The following RBFOX1 variants were observed in gnomAD, a reference collection of about 807,000 sequenced individuals.
RBFOX1 encodes RNA binding protein fox-1 homolog 1.
In RBFOX1, 8 loss-of-function variants were observed where a neutral mutation model predicts 57.7. That is an observed-to-expected ratio of 0.14 (90% CI 0.08 to 0.25). RBFOX1 has a LOEUF of 0.25. RBFOX1 is among the 10% of genes least tolerant of loss of function. The probability of loss-of-function intolerance (pLI) is 1.00; values close to 1 mark genes in which losing one functional copy is unlikely to be tolerated. For missense variants in RBFOX1, 611 were observed against 548.5 expected (o/e 1.11, Z -1.14); for synonymous variants, 326 against 222.4 (o/e 1.47, Z -4.15).
intron 4 of RBFOX1, among the ~76,000 whole-genome samples, chr16:7,377,901 G>T (rs568740958): frequency 6.6e-6 from 1 of 152,268 alleles, no homozygotes; most frequent in East Asian, 1.9e-4. Context: ...CCCATAGTTT[G>T]GAGACTCAGA....
chr16:7,189,554 A>ACACACACACACACACACACACAC (rs1567633599), intron 4 of RBFOX1, among the ~76,000 whole-genome samples: 1 of 135,874 alleles, frequency 7.4e-6, no homozygotes, highest in Non-Finnish European at 1.6e-5. Context: ...TGTCCCCCAA[A>ACACACACACACACACACACACAC]ACACACACAC....
At position 7,280,011 on chromosome 16, in the gene RBFOX1, C is replaced by T. The variant is rs569244258; in HGVS notation, c.27+227913C>T. On this transcript the variant is annotated intron_variant, in intron 4 of 15. Coordinates refer to ENST00000550418, the MANE Select transcript of RBFOX1 (RefSeq NM_018723.4). ...GCATTTGCTGACTCCATGGCCAGCG[C>T]CACATCACCTGCTCTGAAGGTGTTT... Among the ~76,000 whole-genome samples the T allele has an allele frequency of 4.6e-5, 7 of 152,308 alleles. No homozygotes were observed. In the East Asian group the frequency reaches 1.3e-3, roughly 29 times the overall value.
chr16:6,058,888 C>G (rs926426795), intron 1 of RBFOX1, among the ~76,000 whole-genome samples: 2 of 151,962 alleles, frequency 1.3e-5, no homozygotes, highest in Non-Finnish European at 2.9e-5. Flanking sequence ...ATCCAGCTAT[C>G]ATGTATACAG....
chr16:5,491,191 C>T (rs375945495), intron 2 of RBFOX1, among the ~76,000 whole-genome samples: 15 of 152,160 alleles, frequency 9.9e-5, no homozygotes, highest in African/African-American at 3.4e-4. Context: ...AAGCAATCAA[C>T]GCAAGAGTAC....
chr16:7,693,416 CTTTTTTTT>C (rs60812796), intron 14 of RBFOX1: 7 of 783,268 alleles, frequency 8.9e-6, no homozygotes, highest in African/African-American at 4.1e-5. Context: ...TCTCAGTATC[CTTTTTTTT>C]TTTTTTTTTT....
intron 3 of RBFOX1, among the ~76,000 whole-genome samples, chr16:6,947,184 C>T (rs1469711824): frequency 6.6e-6 from 1 of 152,166 alleles, no homozygotes; most frequent in Non-Finnish European, 1.5e-5. Context: ...GATTTCAACT[C>T]TTTATGTGAA....
chr16:5,763,313 C>A (rs1158388348), intron 3 of RBFOX1, among the ~76,000 whole-genome samples: 2 of 152,176 alleles, frequency 1.3e-5, no homozygotes, highest in African/African-American at 2.4e-5. Context: ...CACACAAGAG[C>A]GCTCCTTTGT....
intron 4 of RBFOX1, among the ~76,000 whole-genome samples, chr16:7,391,098 C>T (rs1370997111): frequency 6.6e-6 from 1 of 152,134 alleles, no homozygotes; most frequent in Non-Finnish European, 1.5e-5. Flanking sequence ...TTATCCTTAA[C>T]TGACCTTTTG....
At chr16:6,574,489 C>T (rs1291007391) in intron 2 of RBFOX1, among the ~76,000 whole-genome samples, 6 of 133,088 alleles carry the variant, frequency 4.5e-5, no homozygotes, top group African/African-American at 1.1e-4. Context: ...AGTGCAGTGG[C>T]GCGATCTCCG....
intron 4 of RBFOX1, among the ~76,000 whole-genome samples, chr16:7,371,673 C>A (rs574210902): frequency 1.3e-5 from 2 of 152,232 alleles, no homozygotes; most frequent in East Asian, 3.9e-4. Context: ...TCGCTTGAAC[C>A]CATGGGGCGG....
At chr16:5,324,861 C>G (rs918894575) in intron 1 of RBFOX1, among the ~76,000 whole-genome samples, 4 of 152,162 alleles carry the variant, frequency 2.6e-5, no homozygotes, top group African/African-American at 9.7e-5. Flanking sequence ...GAGAAAATAA[C>G]TATCATTTAC....
intron 3 of RBFOX1, among the ~76,000 whole-genome samples, chr16:7,015,222 C>T (rs999717191): frequency 3.3e-5 from 5 of 152,098 alleles, no homozygotes; most frequent in Admixed American, 1.3e-4. Flanking sequence ...ATTGTGAAGG[C>T]ATTAGTATCA....
rs567426444 is a variant in RBFOX1, at chr16:6,834,230, C to T, written c.-16+179580C>T. 5.9e-5 allele frequency among the ~76,000 whole-genome samples: 9 copies of T among 152,022 alleles called. No individual in the cohort carries two copies. The East Asian group carries it at 7.8e-4, about 13-fold the overall frequency. The stretch of plus-strand genomic sequence containing the variant: ...CTGGGATTACAGGTGCCCGCTAGCA[C>T]GCCCCATTAGTTTTTATATTTTTTA... On this transcript the variant is annotated intron_variant, in intron 3 of 15. Transcript: ENST00000550418.
intron 2 of RBFOX1, among the ~76,000 whole-genome samples, chr16:6,333,219 A>G (rs996779439): frequency 2.6e-5 from 4 of 151,544 alleles, no homozygotes; most frequent in Admixed American, 6.6e-5. Flanking sequence ...TTTGTTTTGT[A>G]TTTTTCATAG....
intron 3 of RBFOX1, among the ~76,000 whole-genome samples, chr16:6,795,638 T>A (rs960710138): frequency 1.1e-4 from 17 of 151,844 alleles, no homozygotes; most frequent in Admixed American, 1.1e-3. Context: ...TGGTTGGGGG[T>A]GCCTGTAATC....
chr16:7,002,224 A>C (rs964561774), intron 3 of RBFOX1, among the ~76,000 whole-genome samples: 1 of 152,206 alleles, frequency 6.6e-6, no homozygotes, highest in African/African-American at 2.4e-5. Context: ...TGATGCTGTC[A>C]CTTGAGGCCC....
At position 7,347,203 on chromosome 16, in the gene RBFOX1, G is replaced by C. The variant is rs572291280; in HGVS notation, c.28-170944G>C. On this transcript the variant is annotated intron_variant, in intron 4 of 15. Transcript: ENST00000550418. ...GCTGCTATCATCCTACAATGCATAG[G>C]TGCATTAGTCTGTTTTCATGCTGCT... Among the ~76,000 whole-genome samples the C allele has an allele frequency of 2.5e-4, 38 of 152,230 alleles. No homozygotes were observed. The South Asian group carries it at 7.9e-3, about 32-fold the overall frequency.
chr16:6,529,279 C>G (rs1341200764), intron 2 of RBFOX1, among the ~76,000 whole-genome samples: 3 of 152,082 alleles, frequency 2.0e-5, no homozygotes. Context: ...ATAATTTACC[C>G]TGTCCAGGCA....
rs190239877 is a variant in RBFOX1, at chr16:6,548,212, C to G, written c.-63-106391C>G. Among the ~76,000 whole-genome samples, 19 of 152,276 alleles carry G rather than the reference C, an allele frequency of 1.2e-4. No individual in the cohort carries two copies. In the East Asian group the frequency reaches 3.5e-3, roughly 28 times the overall value. On this transcript the variant is annotated intron_variant, in intron 2 of 15. Transcript: ENST00000550418. Reference sequence around the variant, plus strand: ...TATTGCCATCCTTTATTTATAATCTCCATCAGTCTTGTAAACTTTTGTTTT... The same window carrying G: ...TATTGCCATCCTTTATTTATAATCTGCATCAGTCTTGTAAACTTTTGTTTT...
Sources: gnomAD v4.1 joint callset for allele counts (sites outside exome capture counted in the v4.1 genomes callset) on GRCh38, gnomAD v4.1.1 for gene constraint, MANE v1.5 for transcripts, NCBI Gene and HGNC (gene_info 2026-07-23, HGNC 2026-07-21) for gene names.